The following KIF15 variants were observed in gnomAD, a reference collection of about 807,000 sequenced individuals.
The protein encoded by KIF15 is kinesin-like protein KIF15.
A neutral mutation model predicts 190.6 loss-of-function variants in KIF15; 140 were observed. That is an observed-to-expected ratio of 0.73 (90% CI 0.64 to 0.84). The LOEUF (loss-of-function observed/expected upper bound fraction) is 0.84. Among genes scored for constraint, KIF15 ranks in the 40% least tolerant of loss-of-function variants. The pLI, the probability that KIF15 is intolerant of heterozygous loss-of-function variation, is 0.00. For synonymous variants in KIF15, 528 were observed against 551.3 expected (o/e 0.96, Z 0.59); for missense variants, 1,372 against 1,584.4 (o/e 0.87, Z 2.28).
At chr3:44,822,332 C>T (rs1422442401) in intron 20 of KIF15, among the ~76,000 whole-genome samples, 1 of 152,160 alleles carries the variant, frequency 6.6e-6, no homozygotes, top group Non-Finnish European at 1.5e-5. Flanking sequence ...AATATTGCCC[C>T]CCACTCTCTT....
At chr3:44,771,502 C>G (rs982535493) in intron 1 of KIF15, among the ~76,000 whole-genome samples, 1 of 152,152 alleles carries the variant, frequency 6.6e-6, no homozygotes, top group Non-Finnish European at 1.5e-5. Context: ...GTCAGGGGCC[C>G]TCTGTAGCAT....
chr3:44,766,807 C>CTTTTTTTTTTTT (rs766382105), intron 1 of KIF15, among the ~76,000 whole-genome samples: 23 of 118,534 alleles, frequency 1.9e-4, no homozygotes, highest in East Asian at 4.9e-4. Flanking sequence ...TTCTTTCTTT[C>CTTTTTTTTTTTT]TTTTTTTTTT....
intron 23 of KIF15, 50 bp downstream of exon 23, chr3:44,827,578 T>C: frequency 1.7e-6 from 2 of 1,151,210 alleles, no homozygotes; most frequent in Non-Finnish European, 2.6e-6. Context: ...ATAACTTTTA[T>C]TCCTGATACC....
chr3:44,774,011 C>G (rs952365927), intron 1 of KIF15, among the ~76,000 whole-genome samples: 4 of 152,254 alleles, frequency 2.6e-5, no homozygotes, highest in African/African-American at 9.6e-5. Context: ...GGCACAAATT[C>G]CTAGTGGTTC....
intron 6 of KIF15, among the ~76,000 whole-genome samples, chr3:44,861,352 G>T (rs62242563): frequency 0.44 from 67,217 of 151,870 alleles, 16,068 homozygotes; most frequent in East Asian, 0.83. Context: ...ATTCTGCGTG[G>T]CTTGATTATG....
At chr3:44,865,881 C>T (rs1699316469) in intron 6 of KIF15, among the ~76,000 whole-genome samples, 1 of 152,102 alleles carries the variant, frequency 6.6e-6, no homozygotes, top group Admixed American at 6.5e-5. Flanking sequence ...TGTTCATTCT[C>T]CTGGTGCTCT....
chr3:44,763,257 C>CAGTG (rs1197024260), intron 1 of KIF15, among the ~76,000 whole-genome samples: 3 of 152,324 alleles, frequency 2.0e-5, no homozygotes, highest in African/African-American at 7.2e-5. Flanking sequence ...AGAGCCCGTG[C>CAGTG]AGTGGTCTTT....
chr3:44,820,544 T>C (rs1201655403), intron 20 of KIF15, among the ~76,000 whole-genome samples: 46 of 149,258 alleles, frequency 3.1e-4, no homozygotes, highest in Middle Eastern at 3.5e-3. Context: ...TAGGGAGTGG[T>C]GATGACTCTT....
intron 32 of KIF15, among the ~76,000 whole-genome samples, 159 bp downstream of exon 32, chr3:44,848,717 AG>A (rs1057284835): frequency 6.6e-6 from 1 of 152,210 alleles, no homozygotes; most frequent in Non-Finnish European, 1.5e-5. Context: ...ATTTGCTAAA[AG>A]GGTTTCTCAT....
intron 6 of KIF15, among the ~76,000 whole-genome samples, chr3:44,867,648 TTGTACAAGA>T (rs531214526): frequency 1.2e-3 from 184 of 152,346 alleles, no homozygotes; most frequent in African/African-American, 4.1e-3. Flanking sequence ...ATGCCTGTAT[TTGTACAAGA>T]TGTACAAGAT....
intron 13 of KIF15, 137 bp from the exon 14 acceptor site, chr3:44,802,677 G>C (rs998920969): frequency 1.3e-6 from 1 of 744,864 alleles, no homozygotes; most frequent in South Asian, 2.4e-5. Flanking sequence ...ATGCCAAGTT[G>C]CTTTCCATGG....
At chr3:44,839,179 G>T (rs1040564646) in intron 27 of KIF15, among the ~76,000 whole-genome samples, 1 of 151,920 alleles carries the variant, frequency 6.6e-6, no homozygotes, top group Non-Finnish European at 1.5e-5. Flanking sequence ...GACCATCCTG[G>T]CTTACACGGT....
At chr3:44,785,050 A>C in intron 6 of KIF15, 108 bp downstream of exon 6, 1 of 604,510 alleles carries the variant, frequency 1.7e-6, no homozygotes, top group Non-Finnish European at 2.9e-6. Flanking sequence ...GTACTCTACA[A>C]TATGAATAGA....
rs1408037233 is a variant in KIF15, at chr3:44,810,964, A to T, written c.2090A>T (p.Asp697Val). Residue 697 changes from aspartate (D) to valine (V), a missense_variant, in exon 17 of 35, where the codon GAT becomes GTT. Asp to Val is a radical substitution (Grantham distance 152, BLOSUM62 -3). Coordinates refer to ENST00000326047, the MANE Select transcript of KIF15 (RefSeq NM_020242.3). ...CAGAATTCTAGCATATTAGATAATG[A>T]TATATTAAATGAGCCAGTTCCTCCT... ...YTQNSSILDN[D>V]ILNEPVPPEM... 2 of 1,613,830 alleles carry T rather than the reference A, an allele frequency of 1.2e-6. No homozygotes were observed. Among genetic ancestry groups the T allele is most frequent in the Admixed American group, 1.7e-5 (1 of 60,010 alleles).
intron 11 of KIF15, 93 bp downstream of exon 11, chr3:44,800,530 C>T: frequency 7.3e-7 from 1 of 1,375,700 alleles, no homozygotes; most frequent in Non-Finnish European, 9.9e-7. Flanking sequence ...ATAAGGCAAC[C>T]CAAATTTTTC....
chr3:44,826,526 GTT>G, intron 22 of KIF15, 66 bp downstream of exon 22: 1 of 935,048 alleles, frequency 1.1e-6, no homozygotes, highest in Non-Finnish European at 1.5e-6. Flanking sequence ...TCTTAATCTT[GTT>G]TTTTTTTTAT....
chr3:44,839,996 C>T lies in KIF15; in HGVS notation c.3319-359C>T, dbSNP rs745888452. ...AATGCTTCAGAGAACATGGGAGTGCCGCTGTCTCTTCAATAGACTGATTTT... is the reference window on the plus strand; with the variant it reads ...AATGCTTCAGAGAACATGGGAGTGCTGCTGTCTCTTCAATAGACTGATTTT... On this transcript the variant is annotated intron_variant, in intron 27 of 34. Transcript: ENST00000326047. 1.7e-3 allele frequency among the ~76,000 whole-genome samples: 266 copies of T among 152,284 alleles called. 2 individuals are homozygous for T. Among genetic ancestry groups the T allele is most frequent in the Non-Finnish European group, 1.6e-3 (109 of 68,032 alleles).
rs770051618 is a variant in KIF15 at position 44,805,073 on chromosome 3, T to A, written c.1734T>A (p.Phe578Leu). 1.2e-6 allele frequency: 2 copies of A among 1,613,920 alleles called. No individual in the cohort carries two copies. Among genetic ancestry groups the A allele is most frequent in the Admixed American group, 3.3e-5 (2 of 60,010 alleles). The change falls in exon 15 of 35, where the codon TTT (phenylalanine) becomes TTA (leucine). Residue 578 changes from phenylalanine (F) to leucine (L), a missense_variant. Physicochemically the swap from Phe to Leu is conservative, Grantham distance 22. Coordinates refer to ENST00000326047, the MANE Select transcript of KIF15 (RefSeq NM_020242.3). Reference sequence around the variant, plus strand: ...AAGCTCAGAAAGAGCCATGTTTGTTTGCAAACACTGAGAAGTTAAAAGCAC... The same window carrying A: ...AAGCTCAGAAAGAGCCATGTTTGTTAGCAAACACTGAGAAGTTAAAAGCAC... Reference protein sequence around the residue: ...SPKAQKEPCLFANTEKLKAQL... With the variant: ...SPKAQKEPCLLANTEKLKAQL...
At chr3:44,810,242 T>C (rs1707727233) in intron 16 of KIF15, among the ~76,000 whole-genome samples, 1 of 152,022 alleles carries the variant, frequency 6.6e-6, no homozygotes, top group Admixed American at 6.6e-5. Context: ...GTCTTCCTAA[T>C]TTGTTCTTTT....
Sources: allele counts gnomAD v4.1 joint callset (sites outside exome capture counted in the v4.1 genomes callset), GRCh38; gene constraint gnomAD v4.1.1; transcripts MANE v1.5; gene names NCBI Gene and HGNC (gene_info 2026-07-23, HGNC 2026-07-21).